Variants in CACNA1D observed in about 807,000 individuals in gnomAD.
CACNA1D encodes the protein calcium voltage-gated channel subunit alpha1 D, also known as voltage-dependent L-type calcium channel subunit alpha-1D.
A neutral mutation model predicts 257.1 loss-of-function variants in CACNA1D; 55 were observed. The observed-to-expected ratio is 0.21, with a 90% CI of 0.17 to 0.27. CACNA1D has a LOEUF of 0.27. Among genes scored for constraint, CACNA1D ranks in the 10% least tolerant of loss-of-function variants. CACNA1D has a pLI of 1.00. For synonymous variants in CACNA1D, 980 were observed against 1,014.9 expected, an observed-to-expected ratio of 0.97 and a Z score of 0.65; for missense variants, 1,876 against 2,784.0, an observed-to-expected ratio of 0.67 and a Z score of 7.34.
intron 3 of CACNA1D, among the ~76,000 whole-genome samples, chr3:53,536,115 G>A (rs1322318555): frequency 5.3e-5 from 8 of 152,170 alleles, no homozygotes; most frequent in Non-Finnish European, 8.8e-5. Context: ...GTGGACACTG[G>A]TGCTTTCAGG....
chr3:53,593,873 G>A (rs902107520), intron 3 of CACNA1D, among the ~76,000 whole-genome samples: 2 of 152,206 alleles, frequency 1.3e-5, no homozygotes, highest in South Asian at 2.1e-4. Flanking sequence ...GGTCACCAGC[G>A]GAGATGGCTG....
At chr3:53,621,977 A>G (rs959043923) in intron 3 of CACNA1D, among the ~76,000 whole-genome samples, 5 of 152,250 alleles carry the variant, frequency 3.3e-5, no homozygotes, top group Non-Finnish European at 2.9e-5. Flanking sequence ...GTGAGGATGT[A>G]GAACAACTGG....
chr3:53,639,843 G>A (rs1370374055), intron 3 of CACNA1D, among the ~76,000 whole-genome samples: 16 of 143,018 alleles, frequency 1.1e-4, no homozygotes. Flanking sequence ...ATTTTGAAAT[G>A]TTCACTCATT....
In CACNA1D at chr3:53,810,777, A is replaced by C. The variant is rs912691649; in HGVS notation, c.6193-336A>C. Among the ~76,000 whole-genome samples the C allele has an allele frequency of 2.5e-4, 38 of 149,590 alleles. 3 individuals carry two copies. In the South Asian group the frequency reaches 3.1e-3, roughly 12 times the overall value. On this transcript the variant is annotated intron_variant, in intron 47 of 47. Transcript: ENST00000350061. ...TTGTCTCAAAAAAAAAAAAAAAAAA[A>C]AAAAAAAAACAAAAACTGGTCACCA... is the stretch of plus-strand genomic sequence containing the variant.
chr3:53,544,873 G>A (rs749332676), intron 3 of CACNA1D, among the ~76,000 whole-genome samples: 17 of 152,238 alleles, frequency 1.1e-4, no homozygotes, highest in Non-Finnish European at 1.8e-4. Flanking sequence ...ATTCGAGGAA[G>A]TGGGGCCACT....
intron 3 of CACNA1D, among the ~76,000 whole-genome samples, chr3:53,617,096 G>A (rs1015106093): frequency 2.0e-5 from 3 of 152,070 alleles, no homozygotes; most frequent in Non-Finnish European, 2.9e-5. Flanking sequence ...AAGTCCTGCC[G>A]ATCCCCTGAG....
In CACNA1D at chr3:53,645,095, T is replaced by C. The variant is rs548235530; in HGVS notation, c.484-5684T>C. On this transcript the variant is annotated intron_variant, in intron 3 of 47. Coordinates refer to ENST00000350061, the MANE Select transcript of CACNA1D (RefSeq NM_001128840.3). Reference sequence around the variant, plus strand: ...TAGTGATGTTGAGCACTTTTTCATGTATCTTTTGGCTATTTGTATGTCTTC... The same window carrying C: ...TAGTGATGTTGAGCACTTTTTCATGCATCTTTTGGCTATTTGTATGTCTTC... 6.6e-5 allele frequency among the ~76,000 whole-genome samples: 10 copies of C among 152,364 alleles called. No homozygotes were observed. In the South Asian group the frequency reaches 1.9e-3, roughly 28 times the overall value.
intron 2 of CACNA1D, among the ~76,000 whole-genome samples, chr3:53,498,268 A>G (rs1437211749): frequency 1.3e-5 from 2 of 152,140 alleles, no homozygotes; most frequent in East Asian, 1.9e-4. Context: ...GACTGGAGGT[A>G]CATTTCTGGG....
chr3:53,502,192 C>A (rs2090634275), intron 3 of CACNA1D, among the ~76,000 whole-genome samples: 1 of 151,542 alleles, frequency 6.6e-6, no homozygotes, highest in African/African-American at 2.4e-5. Flanking sequence ...ACTAATAAAT[C>A]TACATAGAGC....
intron 40 of CACNA1D, among the ~76,000 whole-genome samples, chr3:53,796,769 T>C (rs1033330173): frequency 3.9e-5 from 6 of 152,240 alleles, no homozygotes; most frequent in African/African-American, 9.6e-5. Flanking sequence ...AAATTATTTA[T>C]GATAACATCT....
intron 8 of CACNA1D, among the ~76,000 whole-genome samples, chr3:53,674,690 G>A (rs1293325554): frequency 6.6e-6 from 1 of 152,206 alleles, no homozygotes; most frequent in African/African-American, 2.4e-5. Context: ...AGAAGGTGGG[G>A]TGCTACAGAG....
At chr3:53,508,010 T>C (rs977058066) in intron 3 of CACNA1D, among the ~76,000 whole-genome samples, 7 of 152,256 alleles carry the variant, frequency 4.6e-5, no homozygotes, top group Middle Eastern at 3.4e-3. Flanking sequence ...CAGCATTCTA[T>C]CCCTGCCCTG....
intron 3 of CACNA1D, among the ~76,000 whole-genome samples, chr3:53,505,262 A>C (rs2090789371): frequency 6.6e-6 from 1 of 151,684 alleles, no homozygotes; most frequent in Non-Finnish European, 1.5e-5. Context: ...ACGAGCGCCA[A>C]CATGCCTGGC....
At chr3:53,574,926 T>G (rs948022831) in intron 3 of CACNA1D, among the ~76,000 whole-genome samples, 3 of 152,228 alleles carry the variant, frequency 2.0e-5, no homozygotes, top group African/African-American at 7.2e-5. Flanking sequence ...TCACGTGAGT[T>G]GCCCTGGATT....
At chr3:53,542,853 G>A (rs959905771) in intron 3 of CACNA1D, among the ~76,000 whole-genome samples, 3 of 151,932 alleles carry the variant, frequency 2.0e-5, no homozygotes, top group African/African-American at 4.8e-5. Flanking sequence ...TCAGGAGTTC[G>A]AGACCATTCC....
At chr3:53,757,204 G>T (rs1397706563) in intron 29 of CACNA1D, among the ~76,000 whole-genome samples, 2 of 147,008 alleles carry the variant, frequency 1.4e-5, no homozygotes, top group Admixed American at 1.3e-4. Flanking sequence ...CTGCTGGAGA[G>T]AAAATTTGAC....
At chr3:53,726,376 G>C (rs1364957483) in intron 14 of CACNA1D, among the ~76,000 whole-genome samples, 6 of 152,220 alleles carry the variant, frequency 3.9e-5, no homozygotes, top group Non-Finnish European at 5.9e-5. Flanking sequence ...GGTGGCTCAT[G>C]CCTGTAATCC....
rs566619556 is a variant in CACNA1D, at chr3:53,670,885, T to C, written c.1117-2138T>C. Among the ~76,000 whole-genome samples the C allele has an allele frequency of 1.5e-4, 23 of 152,304 alleles. No individual in the cohort carries two copies. In the South Asian group the frequency reaches 3.7e-3, roughly 25 times the overall value. Reference sequence around the variant, plus strand: ...CTTGCATGTTCTGATTTTTCTTTTGTATATGGTAAGATCCAAGAAATGCTT... The same window carrying C: ...CTTGCATGTTCTGATTTTTCTTTTGCATATGGTAAGATCCAAGAAATGCTT... On this transcript the variant is annotated intron_variant, in intron 7 of 47. Transcript: ENST00000350061.
intron 3 of CACNA1D, among the ~76,000 whole-genome samples, chr3:53,644,783 G>A (rs187713399): frequency 6.6e-6 from 1 of 152,286 alleles, no homozygotes; most frequent in East Asian, 1.9e-4. Flanking sequence ...AAGAACATGG[G>A]CGTGGCAGAC....
Sources: allele counts gnomAD v4.1 joint callset (sites outside exome capture counted in the v4.1 genomes callset), GRCh38; gene constraint gnomAD v4.1.1; transcripts MANE v1.5; gene names NCBI Gene and HGNC (gene_info 2026-07-23, HGNC 2026-07-21).